The following UNC5B variants were observed in gnomAD, a reference collection of about 807,000 sequenced individuals.
UNC5B encodes the protein unc-5 netrin receptor B.
Under a neutral mutation model 103.7 loss-of-function variants are expected in UNC5B, and 56 were observed. The observed-to-expected ratio is 0.54, with a 90% confidence interval of 0.44 to 0.67. UNC5B has a LOEUF of 0.67. Among genes scored for constraint, UNC5B ranks in the 30% least tolerant of loss-of-function variants. UNC5B has a pLI of 0.00. For synonymous variants in UNC5B, 577 were observed against 542.0 expected (o/e 1.06, Z -0.90); for missense variants, 1,194 against 1,284.5 (o/e 0.93, Z 1.08).
chr10:71,274,867 A>T (rs954465056), intron 1 of UNC5B, among the ~76,000 whole-genome samples: 1 of 152,202 alleles, frequency 6.6e-6, no homozygotes, highest in Non-Finnish European at 1.5e-5. Flanking sequence ...AATTTAAGCA[A>T]ATTTGCTTTC....
intron 15 of UNC5B, among the ~76,000 whole-genome samples, chr10:71,297,010 G>A (rs1845456569): frequency 7.1e-6 from 1 of 141,460 alleles, no homozygotes. Context: ...AGGGCGGCCA[G>A]ATATTCCGGC....
Position 71,285,359 on chromosome 10 carries a change from G to T in UNC5B, c.482G>T (p.Gly161Val). 6.2e-7 allele frequency: 1 copy of T among 1,611,426 alleles called. No individual in the cohort carries two copies. Among genetic ancestry groups the T allele is most frequent in the Admixed American group, 1.7e-5 (1 of 59,692 alleles). Residue 161 changes from glycine (G) to valine (V), a missense_variant, in exon 4 of 17, where the codon GGC becomes GTC. Coordinates refer to ENST00000335350, the MANE Select transcript of UNC5B (RefSeq NM_170744.5). ...LRKNFDQEPL[G>V]KEVPLDHEVL... is the part of the protein sequence containing the mutation. ...AAGAACTTCGATCAGGAGCCTCTGG[G>T]CAAGGAGGTGCCCCTGGACCATGAG...
intron 1 of UNC5B, among the ~76,000 whole-genome samples, chr10:71,243,222 G>A (rs1281414688): frequency 6.6e-6 from 1 of 152,088 alleles, no homozygotes; most frequent in African/African-American, 2.4e-5. Flanking sequence ...GCGACAGAGG[G>A]AGACTCAGTC....
At position 71,276,807 on chromosome 10, in the gene UNC5B, C is replaced by T. The variant is rs1564727383; in HGVS notation, c.80-3014C>T. 3.3e-5 allele frequency among the ~76,000 whole-genome samples: 5 copies of T among 152,356 alleles called. No homozygotes were observed. The South Asian group carries it at 1.0e-3, about 32-fold the overall frequency. On this transcript the variant is annotated intron_variant, in intron 1 of 16. Coordinates refer to ENST00000335350, the MANE Select transcript of UNC5B (RefSeq NM_170744.5). ...CAGCAGAGTCCACTCATGGTCCCTC[C>T]AGGCAGGAACCTCAGGTGGGCCTCT... is the stretch of plus-strand genomic sequence containing the variant.
At chr10:71,243,918 A>G (rs998829331) in intron 1 of UNC5B, among the ~76,000 whole-genome samples, 1 of 152,224 alleles carries the variant, frequency 6.6e-6, no homozygotes, top group African/African-American at 2.4e-5. Flanking sequence ...TGTTCTCCAT[A>G]GTTTATAATT....
At chr10:71,278,999 A>G (rs1844844779) in intron 1 of UNC5B, among the ~76,000 whole-genome samples, 1 of 152,138 alleles carries the variant, frequency 6.6e-6, no homozygotes, top group Non-Finnish European at 1.5e-5. Flanking sequence ...CCTGAGGTGC[A>G]GTTCTTTCCA....
At position 71,244,005 on chromosome 10, in the gene UNC5B, C is replaced by T. The variant is rs116352400; in HGVS notation, c.79+30941C>T. On this transcript the variant is annotated intron_variant, in intron 1 of 16. Transcript: ENST00000335350. ...TGGTGTGTGGTAGTGCCAGGATCTGCACCTGGGTGTGTCTGTCTGCAGAGA... is the reference window on the plus strand; with the variant it reads ...TGGTGTGTGGTAGTGCCAGGATCTGTACCTGGGTGTGTCTGTCTGCAGAGA... Among the ~76,000 whole-genome samples the T allele has an allele frequency of 2.5e-3, 375 of 152,338 alleles. 3 individuals are homozygous for T. The highest frequency in any genetic ancestry group is 8.6e-3 in the African/African-American group (356 of 41,586).
intron 1 of UNC5B, among the ~76,000 whole-genome samples, chr10:71,265,077 G>C (rs1844495162): frequency 6.6e-6 from 1 of 151,896 alleles, no homozygotes; most frequent in African/African-American, 2.4e-5. Context: ...TAATCTCCCT[G>C]TGCCTGCAAA....
At chr10:71,256,201 T>A (rs1300347006) in intron 1 of UNC5B, among the ~76,000 whole-genome samples, 1 of 152,160 alleles carries the variant, frequency 6.6e-6, no homozygotes, top group East Asian at 1.9e-4. Context: ...CACAATGTCA[T>A]ACCCCAGAGG....
intron 1 of UNC5B, among the ~76,000 whole-genome samples, chr10:71,276,024 G>A (rs543715010): frequency 1.6e-4 from 24 of 152,174 alleles, no homozygotes; most frequent in East Asian, 7.7e-4. Context: ...ACACATCCCT[G>A]TTCGTAAGTC....
In UNC5B at chr10:71,285,337, A is replaced by C; in HGVS notation, c.460A>C (p.Asn154His). 1 of 1,610,634 alleles carries C rather than the reference A, an allele frequency of 6.2e-7. No homozygotes were observed. Among genetic ancestry groups the C allele is most frequent in the Middle Eastern group, 1.7e-4 (1 of 6,052 alleles). ...AYVRIAYLRK[N>H]FDQEPLGKEV... The stretch of plus-strand genomic sequence containing the variant: ...CTCGCTTCTCCCAGACCTGCGCAAG[A>C]ACTTCGATCAGGAGCCTCTGGGCAA... The change falls in exon 4 of 17, where the codon AAC (asparagine) becomes CAC (histidine). Residue 154 changes from asparagine (N) to histidine (H), a missense_variant. By Grantham distance (68) the Asn-to-His change is moderately conservative (BLOSUM62 1). Coordinates refer to ENST00000335350, the MANE Select transcript of UNC5B (RefSeq NM_170744.5).
intron 1 of UNC5B, among the ~76,000 whole-genome samples, chr10:71,269,344 C>G (rs1564724445): frequency 9.9e-5 from 1 of 10,128 alleles, no homozygotes; most frequent in African/African-American, 1.7e-4. Flanking sequence ...AAAATGAAGT[C>G]CCCCCCCCAC....
intron 1 of UNC5B, among the ~76,000 whole-genome samples, chr10:71,269,480 G>A (rs1297027955): frequency 6.6e-6 from 1 of 151,852 alleles, no homozygotes; most frequent in African/African-American, 2.4e-5. Flanking sequence ...TGATTAGATG[G>A]TCTGTGAAGT....
intron 1 of UNC5B, among the ~76,000 whole-genome samples, chr10:71,259,618 G>A (rs891304725): frequency 3.9e-5 from 6 of 152,168 alleles, no homozygotes; most frequent in African/African-American, 7.2e-5. Flanking sequence ...TTTACTGAAC[G>A]CTGCAGTCAG....
At position 71,274,022 on chromosome 10, in the gene UNC5B, G is replaced by C. The variant is rs1022368270; in HGVS notation, c.80-5799G>C. ...GGACCAGGCTGCAACCTCCAGACTGGGAAGTGCACTGTTTAGTTAGAAGTG... is the reference window on the plus strand; with the variant it reads ...GGACCAGGCTGCAACCTCCAGACTGCGAAGTGCACTGTTTAGTTAGAAGTG... On this transcript the variant is annotated intron_variant, in intron 1 of 16. Coordinates refer to ENST00000335350, the MANE Select transcript of UNC5B (RefSeq NM_170744.5). Among the ~76,000 whole-genome samples, 9 of 152,318 alleles carry C rather than the reference G, an allele frequency of 5.9e-5. No homozygotes were observed. In the East Asian group the frequency reaches 9.6e-4, roughly 16 times the overall value.
intron 1 of UNC5B, among the ~76,000 whole-genome samples, chr10:71,272,429 T>C (rs1407045779): frequency 6.6e-6 from 1 of 152,068 alleles, no homozygotes; most frequent in East Asian, 1.9e-4. Flanking sequence ...AGGCCTTCCC[T>C]ACCAGACCAC....
At chr10:71,298,994 A>G in intron 16 of UNC5B, 118 bp from the exon 17 acceptor site, 2 of 1,351,738 alleles carry the variant, frequency 1.5e-6, no homozygotes, top group Non-Finnish European at 2.1e-6. Flanking sequence ...ATTCAGACCC[A>G]GGACAGTGGG....
intron 1 of UNC5B, among the ~76,000 whole-genome samples, chr10:71,232,361 C>G (rs1486813516): frequency 6.6e-6 from 1 of 152,256 alleles, no homozygotes; most frequent in Non-Finnish European, 1.5e-5. Context: ...ATCTTGTGTT[C>G]ATGAGGGAAA....
chr10:71,289,898 G>A (rs1221186471), intron 8 of UNC5B, among the ~76,000 whole-genome samples: 4 of 152,204 alleles, frequency 2.6e-5, no homozygotes, highest in Non-Finnish European at 4.4e-5. Context: ...TTAGGCTGAC[G>A]CCAAGTGCAG....
Sources: gnomAD v4.1 joint callset for allele counts (sites outside exome capture counted in the v4.1 genomes callset) on GRCh38, gnomAD v4.1.1 for gene constraint, MANE v1.5 for transcripts, NCBI Gene and HGNC (gene_info 2026-07-23, HGNC 2026-07-21) for gene names.